The following FKBP9 variants were observed in gnomAD, a reference collection of about 807,000 sequenced individuals.
The protein encoded by FKBP9 is peptidyl-prolyl cis-trans isomerase FKBP9.
In FKBP9, 27 loss-of-function variants were observed where a neutral mutation model predicts 55.6. The ratio of observed to expected loss-of-function variants is 0.49; its 90% CI spans 0.36 to 0.67. The LOEUF (loss-of-function observed/expected upper bound fraction) is 0.67. FKBP9 is among the 30% of genes least tolerant of loss of function. The pLI, the probability that FKBP9 is intolerant of heterozygous loss-of-function variation, is 0.00. For synonymous variants in FKBP9, 267 were observed against 296.5 expected, an observed-to-expected ratio of 0.90 and a Z score of 1.02; for missense variants, 539 against 742.8, an observed-to-expected ratio of 0.73 and a Z score of 3.19.
chr7:32,993,990 A>G (rs1784734590), intron 6 of FKBP9, among the ~76,000 whole-genome samples: 1 of 152,230 alleles, frequency 6.6e-6, no homozygotes, highest in African/African-American at 2.4e-5. Context: ...TTCTGTGAAT[A>G]TGAGTGTACA....
chr7:32,974,687 C>T lies in FKBP9; in HGVS notation c.292C>T (p.Leu98Phe), dbSNP rs749207344. 1.2e-5 allele frequency: 19 copies of T among 1,613,804 alleles called. No individual in the cohort carries two copies. Among genetic ancestry groups the T allele is most frequent in the African/African-American group, 8.0e-5 (6 of 74,906 alleles). Residue 98 changes from leucine (L) to phenylalanine (F), a missense_variant, in exon 2 of 10, where the codon CTT becomes TTT. By Grantham distance (22) the Leu-to-Phe change is conservative. Coordinates refer to ENST00000242209, the MANE Select transcript of FKBP9 (RefSeq NM_007270.5). ...GQLITGMDQA[L>F]VGMCVNERRF... Reference sequence around the variant, plus strand: ...GCTGATCACAGGGATGGACCAGGCTCTTGTTGGGATGTGCGTAAACGAGAG... The same window carrying T: ...GCTGATCACAGGGATGGACCAGGCTTTTGTTGGGATGTGCGTAAACGAGAG...
intron 1 of FKBP9, among the ~76,000 whole-genome samples, chr7:32,970,573 T>C (rs867750979): frequency 6.6e-5 from 10 of 151,570 alleles, no homozygotes; most frequent in Middle Eastern, 3.2e-3. Context: ...TAATCCTAAG[T>C]ATTTCATTCT....
At chr7:32,976,743 G>C (rs10275992) in intron 4 of FKBP9, among the ~76,000 whole-genome samples, 7,021 of 152,256 alleles carry the variant, frequency 0.046, 384 homozygotes, top group East Asian at 0.19. Flanking sequence ...ATAGTGGACA[G>C]TGCAGATACA....
Position 32,957,499 on chromosome 7 carries a change from C to T in FKBP9, c.-75C>T. On this transcript the variant is annotated 5_prime_UTR_variant, in exon 1 of 10. The change creates a new upstream start codon in the 5' untranslated region. Transcript: ENST00000242209. Reference sequence around the variant, plus strand: ...AGGAGACCCGGTCCACGTTTGCAAACGCAGCCGAACGCCCAGGCCGACCCG... The same window carrying T: ...AGGAGACCCGGTCCACGTTTGCAAATGCAGCCGAACGCCCAGGCCGACCCG... 3.4e-6 allele frequency: 4 copies of T among 1,164,942 alleles called. No homozygotes were observed. The highest frequency in any genetic ancestry group is 4.2e-5 in the Admixed American group (1 of 23,694). 72.2% of individuals were successfully genotyped at this position (1,164,942 alleles called of 1,614,324 possible).
rs1784306201 is a variant in FKBP9, at chr7:32,973,965, T to C, written c.222-652T>C. Among the ~76,000 whole-genome samples, 3 of 151,810 alleles carry C rather than the reference T, an allele frequency of 2.0e-5. No individual in the cohort carries two copies. In the South Asian group the frequency reaches 6.2e-4, roughly 32 times the overall value. Reference sequence around the variant, plus strand: ...CCTCGGCCTCCCAAAGTGTTGGGATTACAGGCGTGAGCCACTGCACCTGGC... The same window carrying C: ...CCTCGGCCTCCCAAAGTGTTGGGATCACAGGCGTGAGCCACTGCACCTGGC... On this transcript the variant is annotated intron_variant, in intron 1 of 9. Coordinates refer to ENST00000242209, the MANE Select transcript of FKBP9 (RefSeq NM_007270.5).
chr7:32,986,044 C>T (rs930727243), intron 5 of FKBP9, among the ~76,000 whole-genome samples: 5 of 152,148 alleles, frequency 3.3e-5, no homozygotes, highest in African/African-American at 9.7e-5. Flanking sequence ...GGAGGACTGA[C>T]GACTTCACTT....
chr7:32,980,602 A>T (rs749006873), intron 5 of FKBP9, 49 bp downstream of exon 5: 4 of 1,590,926 alleles, frequency 2.5e-6, no homozygotes, highest in Non-Finnish European at 3.4e-6. Context: ...GTATTAAATA[A>T]AGTCTGCCAT....
chr7:32,993,863 T>C (rs1254803718), intron 6 of FKBP9, among the ~76,000 whole-genome samples: 1 of 152,202 alleles, frequency 6.6e-6, no homozygotes, highest in Middle Eastern at 3.2e-3. Context: ...TCATTCCTTT[T>C]TATTGCTGAA....
intron 1 of FKBP9, among the ~76,000 whole-genome samples, chr7:32,970,229 C>T (rs995805182): frequency 6.6e-6 from 1 of 151,936 alleles, no homozygotes; most frequent in African/African-American, 2.4e-5. Context: ...CAGAGTCTCG[C>T]TCTGTCGCCC....
chr7:32,976,511 T>C lies in FKBP9; in HGVS notation c.703+12T>C, dbSNP rs767467101. The C allele has an allele frequency of 1.4e-5, 22 of 1,567,622 alleles. 1 individual carries two copies. The African/African-American group carries it at 1.6e-4, about 12-fold the overall frequency. Reference sequence around the variant, plus strand: ...AGAGGATGGAGATGGTAAGTCCGTCTCCTTCTTGGAGCCACTCTTTCCTAC... The same window carrying C: ...AGAGGATGGAGATGGTAAGTCCGTCCCCTTCTTGGAGCCACTCTTTCCTAC... On this transcript the variant is annotated intron_variant, in intron 4 of 9. Coordinates refer to ENST00000242209, the MANE Select transcript of FKBP9 (RefSeq NM_007270.5).
At chr7:32,996,127 G>A in intron 6 of FKBP9, 36 bp from the exon 7 acceptor site, 2 of 1,602,298 alleles carry the variant, frequency 1.2e-6, no homozygotes, top group Non-Finnish European at 1.7e-6. Context: ...GCAGCCTGCA[G>A]GGGTCATTCA....
chr7:32,957,932 T>C (rs1783938057), intron 1 of FKBP9, 138 bp downstream of exon 1: 3 of 692,844 alleles, frequency 4.3e-6, no homozygotes, highest in Admixed American at 4.3e-5. Context: ...GCCCAGATCC[T>C]CCCGGACCCC....
intron 9 of FKBP9, among the ~76,000 whole-genome samples, chr7:33,004,107 A>G (rs1784985013): frequency 1.3e-5 from 2 of 151,944 alleles, no homozygotes; most frequent in African/African-American, 2.4e-5. Flanking sequence ...GTAGGCCGTA[A>G]TGGTCCTCAG....
At chr7:32,988,962 T>A in intron 6 of FKBP9, 1 of 204,682 alleles carries the variant, frequency 4.9e-6, no homozygotes, top group Non-Finnish European at 9.9e-6. Flanking sequence ...CAAATAGATT[T>A]AGTTTCTAGA....
chr7:32,966,950 A>G (rs1357007503), intron 1 of FKBP9, among the ~76,000 whole-genome samples: 1 of 152,136 alleles, frequency 6.6e-6, no homozygotes, highest in Non-Finnish European at 1.5e-5. Context: ...GAGATTTGGC[A>G]TGGACACAGA....
chr7:32,976,526 C>T (rs1478802040), intron 4 of FKBP9, 27 bp downstream of exon 4: 9 of 1,568,836 alleles, frequency 5.7e-6, no homozygotes, highest in Non-Finnish European at 6.9e-6. Flanking sequence ...CTTGGAGCCA[C>T]TCTTTCCTAC....
chr7:32,965,272 A>G (rs994500266), intron 1 of FKBP9, among the ~76,000 whole-genome samples: 6 of 151,908 alleles, frequency 3.9e-5, no homozygotes, highest in Non-Finnish European at 5.9e-5. Context: ...CTAGGATCAC[A>G]GGTGTATGCT....
chr7:32,983,843 G>A (rs1784528173), intron 5 of FKBP9, among the ~76,000 whole-genome samples: 1 of 152,128 alleles, frequency 6.6e-6, no homozygotes, highest in South Asian at 2.1e-4. Context: ...GTTTATTTGA[G>A]TACTTTCTTT....
At chr7:32,996,485 A>G in intron 7 of FKBP9, 136 bp downstream of exon 7, 1 of 634,392 alleles carries the variant, frequency 1.6e-6, no homozygotes, top group Non-Finnish European at 2.9e-6. Flanking sequence ...TCGTGGCTGC[A>G]TCACTGCTCA....
Sources: gnomAD v4.1 joint callset for allele counts (sites outside exome capture counted in the v4.1 genomes callset) on GRCh38, gnomAD v4.1.1 for gene constraint, MANE v1.5 for transcripts, NCBI Gene and HGNC (gene_info 2026-07-23, HGNC 2026-07-21) for gene names.